GIGYF2: variants seen among roughly 807,000 people sequenced by gnomAD.
The protein encoded by GIGYF2 is GRB10-interacting GYF protein 2.
A neutral mutation model predicts 208.1 loss-of-function variants in GIGYF2; 25 were observed. The observed-to-expected ratio is 0.12, with a 90% CI of 0.09 to 0.17. The LOEUF (loss-of-function observed/expected upper bound fraction) is 0.17. Among genes scored for constraint, GIGYF2 ranks in the 10% least tolerant of loss-of-function variants. GIGYF2 has a pLI of 1.00. For missense variants in GIGYF2, 1,302 were observed against 1,579.4 expected (o/e 0.82, Z 2.98); for synonymous variants, 534 against 543.8 (o/e 0.98, Z 0.25).
chr2:232,842,957 T>C (rs1701864157), intron 23 of GIGYF2: 1 of 152,232 alleles, frequency 6.6e-6, no homozygotes, highest in Non-Finnish European at 1.5e-5. Context: ...CCAGTCTTCC[T>C]CTGTTTGAGA....
At chr2:232,837,907 G>A (rs187766511) in intron 22 of GIGYF2, among the ~76,000 whole-genome samples, 5 of 152,298 alleles carry the variant, frequency 3.3e-5, no homozygotes, top group Admixed American at 1.3e-4. Flanking sequence ...CAATGTCAGC[G>A]CAGAACAAGA....
chr2:232,771,751 C>A (rs1013049698), intron 8 of GIGYF2, among the ~76,000 whole-genome samples: 1 of 152,114 alleles, frequency 6.6e-6, no homozygotes, highest in African/African-American at 2.4e-5. Flanking sequence ...TAAAGACTAG[C>A]ATTTCATAGT....
chr2:232,777,508 G>A (rs975529504), intron 8 of GIGYF2, among the ~76,000 whole-genome samples: 2 of 152,182 alleles, frequency 1.3e-5, no homozygotes, highest in East Asian at 3.9e-4. Context: ...CAAAGACTGT[G>A]ATTGTTCAAA....
chr2:232,735,550 ATTATAACATTTT>A, intron 3 of GIGYF2: 1 of 332,520 alleles, frequency 3.0e-6, no homozygotes, highest in Non-Finnish European at 4.9e-6. Context: ...TGTAAGTATA[ATTATAACATTTT>A]TATGTCTGTA....
chr2:232,750,293 A>G (rs1463432921), intron 5 of GIGYF2, among the ~76,000 whole-genome samples: 1 of 152,190 alleles, frequency 6.6e-6, no homozygotes, highest in East Asian at 1.9e-4. Flanking sequence ...CACCTTGGAC[A>G]TGGCTGTAGC....
chr2:232,738,230 T>C (rs1286835166), intron 3 of GIGYF2, among the ~76,000 whole-genome samples: 1 of 152,168 alleles, frequency 6.6e-6, no homozygotes, highest in Non-Finnish European at 1.5e-5. Context: ...GCTTGAACTT[T>C]TTAAGGTCTG....
Position 232,844,245 on chromosome 2 carries a change from G to C in GIGYF2, c.3089G>C (p.Arg1030Pro). ...CAACACCAGCAACCAAACAGAGCTC[G>C]TAACAATACGGTGTGTGCATTTTCC... ...QQQHQQPNRA[R>P]NNTHSNLHTS... The change falls in exon 24 of 29, where the codon CGT (arginine) becomes CCT (proline). Residue 1030 changes from arginine (R) to proline (P), a missense_variant. Coordinates refer to ENST00000373563, the MANE Select transcript of GIGYF2 (RefSeq NM_001103146.3). 1 of 1,577,256 alleles carries C rather than the reference G, an allele frequency of 6.3e-7. No homozygotes were observed. The highest frequency in any genetic ancestry group is 8.6e-7 in the Non-Finnish European group (1 of 1,160,136).
intron 14 of GIGYF2, among the ~76,000 whole-genome samples, chr2:232,804,683 A>G (rs1407755311): frequency 8.6e-5 from 13 of 151,832 alleles, no homozygotes; most frequent in Non-Finnish European, 1.8e-4. Flanking sequence ...AGTAGAGACA[A>G]GGTTTCACCA....
In GIGYF2 at chr2:232,718,329, C is replaced by T. The variant is rs141323560; in HGVS notation, c.-44+14840C>T. Among the ~76,000 whole-genome samples the T allele has an allele frequency of 2.8e-3, 432 of 152,270 alleles. 4 individuals carry two copies. Among genetic ancestry groups the T allele is most frequent in the African/African-American group, 9.8e-3 (409 of 41,532 alleles). On this transcript the variant is annotated intron_variant, in intron 2 of 28. Coordinates refer to ENST00000373563, the MANE Select transcript of GIGYF2 (RefSeq NM_001103146.3). ...GGTCAGGCTGGTCTCGAACTCCTGA[C>T]CTCACGCGATCCACTCACCTTAGCC...
At chr2:232,802,179 A>G (rs916831844) in intron 14 of GIGYF2, among the ~76,000 whole-genome samples, 1 of 151,596 alleles carries the variant, frequency 6.6e-6, no homozygotes, top group Non-Finnish European at 1.5e-5. Context: ...AAAAGAATCT[A>G]GAATTTTCTG....
intron 8 of GIGYF2, among the ~76,000 whole-genome samples, chr2:232,779,133 A>G (rs551174968): frequency 6.6e-6 from 1 of 151,878 alleles, no homozygotes; most frequent in Non-Finnish European, 1.5e-5. Flanking sequence ...TCACCCAGAA[A>G]CTCATGGTCC....
chr2:232,767,653 T>G (rs1393791804), intron 8 of GIGYF2: 3 of 158,050 alleles, frequency 1.9e-5, no homozygotes, highest in Non-Finnish European at 4.2e-5. Flanking sequence ...TTCTTAGTTG[T>G]TAAAAATTAA....
At chr2:232,733,381 C>T (rs1177338384) in intron 2 of GIGYF2, among the ~76,000 whole-genome samples, 1 of 152,056 alleles carries the variant, frequency 6.6e-6, no homozygotes, top group Non-Finnish European at 1.5e-5. Context: ...GATAATCTCC[C>T]TTGGAGTCTG....
At chr2:232,780,199 C>T (rs1484277892) in intron 8 of GIGYF2, among the ~76,000 whole-genome samples, 1 of 152,164 alleles carries the variant, frequency 6.6e-6, no homozygotes, top group Non-Finnish European at 1.5e-5. Context: ...CACAGGTGCC[C>T]TTTTACTGCT....
At chr2:232,701,854 G>A (rs1356401561) in intron 1 of GIGYF2, among the ~76,000 whole-genome samples, 1 of 152,116 alleles carries the variant, frequency 6.6e-6, no homozygotes, top group Non-Finnish European at 1.5e-5. Flanking sequence ...CAGGAGGAAA[G>A]GGAAGAAGAA....
At chr2:232,746,189 T>C (rs966647581) in intron 3 of GIGYF2, among the ~76,000 whole-genome samples, 1 of 151,586 alleles carries the variant, frequency 6.6e-6, no homozygotes, top group African/African-American at 2.4e-5. Context: ...AAAAAAAAAA[T>C]CCCACCCCAA....
chr2:232,767,774 G>T, intron 8 of GIGYF2: 1 of 219,366 alleles, frequency 4.6e-6, no homozygotes, highest in South Asian at 6.9e-5. Flanking sequence ...TAGTGAAGTC[G>T]TCATTCCACC....
chr2:232,841,798 C>T (rs1463204780), intron 23 of GIGYF2, among the ~76,000 whole-genome samples: 1 of 152,134 alleles, frequency 6.6e-6, no homozygotes. Context: ...TCAGGACACT[C>T]TCAGCTTGCT....
At chr2:232,773,368 G>T (rs564917759) in intron 8 of GIGYF2, among the ~76,000 whole-genome samples, 1 of 152,200 alleles carries the variant, frequency 6.6e-6, no homozygotes, top group African/African-American at 2.4e-5. Flanking sequence ...TTCAGATGAA[G>T]TCACTGGTGC....
Sources: gnomAD v4.1 joint callset for allele counts (sites outside exome capture counted in the v4.1 genomes callset) on GRCh38, gnomAD v4.1.1 for gene constraint, MANE v1.5 for transcripts, NCBI Gene and HGNC (gene_info 2026-07-23, HGNC 2026-07-21) for gene names.